FRMD4A: variants seen among roughly 807,000 people sequenced by gnomAD.
The protein encoded by FRMD4A is FERM domain-containing protein 4A.
FRMD4A carries 29 observed loss-of-function variants against 129.1 expected under a neutral mutation model. That is an observed-to-expected ratio of 0.22 (90% CI 0.17 to 0.31). The LOEUF (loss-of-function observed/expected upper bound fraction) is 0.31, where lower values mean the gene tolerates loss of function less well. FRMD4A is among the 10% of genes least tolerant of loss of function. The pLI is 1.00. For missense variants in FRMD4A, 1,272 were observed against 1,375.8 expected, an observed-to-expected ratio of 0.92 and a Z score of 1.19; for synonymous variants, 634 against 571.6, an observed-to-expected ratio of 1.11 and a Z score of -1.56.
chr10:13,840,702 C>T (rs1319346565), intron 3 of FRMD4A, among the ~76,000 whole-genome samples: 2 of 146,614 alleles, frequency 1.4e-5, no homozygotes, highest in Non-Finnish European at 3.0e-5. Context: ...GCATGAGAAT[C>T]GCTTGAACCC....
chr10:14,137,717 G>A (rs887148093), intron 2 of FRMD4A, among the ~76,000 whole-genome samples: 3 of 152,104 alleles, frequency 2.0e-5, no homozygotes, highest in Non-Finnish European at 4.4e-5. Flanking sequence ...CTCTTCATTA[G>A]CCATCAATTG....
At chr10:13,981,738 C>CAAAAA (rs55829400) in intron 2 of FRMD4A, among the ~76,000 whole-genome samples, 1 of 97,660 alleles carries the variant, frequency 1.0e-5, no homozygotes, top group Non-Finnish European at 2.6e-5. Context: ...GACTCCGTGT[C>CAAAAA]AAAAAAAAAA....
At chr10:14,088,688 A>T (rs764540528) in intron 2 of FRMD4A, among the ~76,000 whole-genome samples, 11 of 148,788 alleles carry the variant, frequency 7.4e-5, no homozygotes, top group Non-Finnish European at 1.5e-4. Context: ...GAATGCCATG[A>T]ACCTGGGAGC....
intron 2 of FRMD4A, among the ~76,000 whole-genome samples, chr10:13,956,547 C>G (rs1257303236): frequency 6.6e-6 from 1 of 152,210 alleles, no homozygotes; most frequent in Middle Eastern, 3.2e-3. Flanking sequence ...CTTGCCAAGT[C>G]CATGCACGGG....
chr10:14,191,422 G>A (rs570416417), intron 2 of FRMD4A, among the ~76,000 whole-genome samples: 1 of 152,230 alleles, frequency 6.6e-6, no homozygotes, highest in African/African-American at 2.4e-5. Context: ...GGATATCAAG[G>A]GACAGCCATA....
intron 2 of FRMD4A, among the ~76,000 whole-genome samples, chr10:13,867,940 A>G (rs2094395376): frequency 6.9e-6 from 1 of 144,092 alleles, no homozygotes; most frequent in Non-Finnish European, 1.5e-5. Context: ...ATATATATAT[A>G]ATAAATACTA....
At chr10:14,222,607 T>C (rs1051902641) in intron 2 of FRMD4A, among the ~76,000 whole-genome samples, 1 of 152,196 alleles carries the variant, frequency 6.6e-6, no homozygotes, top group Non-Finnish European at 1.5e-5. Context: ...GATATTCAAA[T>C]GTGATTCCCA....
In FRMD4A at chr10:14,228,989, G is replaced by A. The variant is rs368470159; in HGVS notation, c.45+101069C>T. On this transcript the variant is annotated intron_variant, in intron 2 of 24. Transcript: ENST00000357447. ...ACAGTAGCATTAAAATATGCCCCAC[G>A]GTCTAACACGAGCCCTGCTGGAATG... Among the ~76,000 whole-genome samples the A allele has an allele frequency of 3.9e-5, 6 of 151,972 alleles. No homozygotes were observed. In the South Asian group the frequency reaches 8.3e-4, roughly 21 times the overall value.
intron 15 of FRMD4A, chr10:13,693,513 A>G: frequency 8.5e-7 from 1 of 1,174,856 alleles, no homozygotes; most frequent in African/African-American, 1.6e-5. Context: ...TCCTGGCACC[A>G]GATCCTGAAA....
chr10:14,197,866 A>G, intron 2 of FRMD4A, among the ~76,000 whole-genome samples: 1 of 152,232 alleles, frequency 6.6e-6, no homozygotes, highest in East Asian at 1.9e-4. Context: ...CAAATCCCAC[A>G]GTAATTTCCA....
intron 12 of FRMD4A, among the ~76,000 whole-genome samples, chr10:13,728,329 T>C (rs2090058557): frequency 6.6e-6 from 1 of 152,120 alleles, no homozygotes; most frequent in Non-Finnish European, 1.5e-5. Context: ...CCGGCCTTGG[T>C]GAGTTGAGTC....
In FRMD4A at chr10:14,213,844, C is replaced by T. The variant is rs567750985; in HGVS notation, c.45+116214G>A. Among the ~76,000 whole-genome samples the T allele has an allele frequency of 5.9e-5, 9 of 152,346 alleles. No homozygotes were observed. The South Asian group carries it at 1.7e-3, about 28-fold the overall frequency. ...TGGGGGTGGTTTACCCCATAAAGTT[C>T]TCATGGTAGTGAATAAGTCTCCTGA... is the stretch of plus-strand genomic sequence containing the variant. On this transcript the variant is annotated intron_variant, in intron 2 of 24. Transcript: ENST00000357447.
intron 14 of FRMD4A, 104 bp from the exon 15 acceptor site, chr10:13,694,143 G>A (rs1298683566): frequency 1.2e-6 from 1 of 866,746 alleles, no homozygotes; most frequent in East Asian, 2.8e-5. Flanking sequence ...TCCGCAAAGG[G>A]ACTTATCTCC....
At chr10:13,908,324 C>A (rs12766179) in intron 2 of FRMD4A, among the ~76,000 whole-genome samples, 20,521 of 152,166 alleles carry the variant, frequency 0.13, 1,797 homozygotes, top group Middle Eastern at 0.23. Flanking sequence ...CCTCCCCATT[C>A]CCTCCCCAGA....
chr10:13,703,255 C>CA (rs1283372742), intron 13 of FRMD4A, among the ~76,000 whole-genome samples: 1 of 151,942 alleles, frequency 6.6e-6, no homozygotes, highest in Admixed American at 6.5e-5. Flanking sequence ...ATCAGATACT[C>CA]AGAGTTCTTC....
intron 2 of FRMD4A, among the ~76,000 whole-genome samples, chr10:14,183,620 C>T (rs1030103884): frequency 4.0e-5 from 6 of 151,704 alleles, no homozygotes; most frequent in African/African-American, 9.7e-5. Context: ...TTCAATTTCT[C>T]ACTGTGTCAA....
intron 9 of FRMD4A, among the ~76,000 whole-genome samples, chr10:13,742,915 G>T (rs1216694015): frequency 6.6e-6 from 1 of 152,124 alleles, no homozygotes; most frequent in Admixed American, 6.5e-5. Context: ...GGGGTAACAG[G>T]TTCTACACAT....
chr10:13,892,483 A>T lies in FRMD4A; in HGVS notation c.46-33571T>A, dbSNP rs77845610. On this transcript the variant is annotated intron_variant, in intron 2 of 24. Transcript: ENST00000357447. The stretch of plus-strand genomic sequence containing the variant: ...ACACGTTGTCTTTCCAAAAAAGAGA[A>T]ACAAACTCTGGGAAGATTCCCCACC... Among the ~76,000 whole-genome samples, 1,866 of 152,330 alleles carry T rather than the reference A, an allele frequency of 0.012. 98 individuals are homozygous for T. In the East Asian group the frequency reaches 0.17, roughly 14 times the overall value.
intron 2 of FRMD4A, among the ~76,000 whole-genome samples, chr10:13,997,710 C>T (rs2095627898): frequency 6.6e-6 from 1 of 151,204 alleles, no homozygotes; most frequent in Admixed American, 6.6e-5. Context: ...GCAGCCTCGA[C>T]CTCTTGGGTT....
Sources: allele counts gnomAD v4.1 joint callset (sites outside exome capture counted in the v4.1 genomes callset), GRCh38; gene constraint gnomAD v4.1.1; transcripts MANE v1.5; gene names NCBI Gene and HGNC (gene_info 2026-07-23, HGNC 2026-07-21).